The following SRFBP1 variants were observed in gnomAD, a reference collection of about 807,000 sequenced individuals.
The protein encoded by SRFBP1 is serum response factor-binding protein 1.
Under a neutral mutation model 45.5 loss-of-function variants are expected in SRFBP1, and 47 were observed. The observed-to-expected ratio is 1.03, with a 90% CI of 0.82 to 1.32. SRFBP1 has a LOEUF of 1.32. Among genes scored for constraint, SRFBP1 ranks in the 40% most tolerant of loss-of-function variants. The pLI is 0.00. For missense variants in SRFBP1, 621 were observed against 484.6 expected, an observed-to-expected ratio of 1.28 and a Z score of -2.64; for synonymous variants, 203 against 166.3, an observed-to-expected ratio of 1.22 and a Z score of -1.70.
chr5:121,987,087 G>A (rs904775960), intron 3 of SRFBP1, among the ~76,000 whole-genome samples: 3 of 152,034 alleles, frequency 2.0e-5, no homozygotes, highest in South Asian at 2.1e-4. Flanking sequence ...ACTCATCCTC[G>A]AGTCTGGAAA....
At chr5:122,021,917 A>T (rs113611520) in intron 6 of SRFBP1, among the ~76,000 whole-genome samples, 4,160 of 151,206 alleles carry the variant, frequency 0.028, 205 homozygotes, top group African/African-American at 0.095. Context: ...GTTAGTGTCG[A>T]ACTCCTGACC....
At chr5:122,070,654 C>CA in intron 2 of SRFBP1, 4 of 786,638 alleles carry the variant, frequency 5.1e-6, no homozygotes, top group African/African-American at 1.7e-5. Context: ...AAATAATATG[C>CA]TATTATTTGC....
chr5:122,072,023 T>C (rs929696014), intron 2 of SRFBP1, among the ~76,000 whole-genome samples: 11 of 152,196 alleles, frequency 7.2e-5, no homozygotes, highest in African/African-American at 2.7e-4. Context: ...AAATGAAGAA[T>C]TTTTGGTCTG....
chr5:122,017,892 A>G (rs963349259), intron 4 of SRFBP1, among the ~76,000 whole-genome samples: 2 of 152,202 alleles, frequency 1.3e-5, no homozygotes, highest in Non-Finnish European at 2.9e-5. Flanking sequence ...GCTTTATTAA[A>G]TGTGTATTGG....
intron 2 of SRFBP1, among the ~76,000 whole-genome samples, chr5:122,049,063 C>G (rs1025986414): frequency 1.3e-5 from 2 of 152,068 alleles, no homozygotes; most frequent in East Asian, 1.9e-4. Context: ...CTGCTCTGAT[C>G]TTAGTTATTT....
chr5:121,963,696 C>G (rs1751998919), intron 1 of SRFBP1, among the ~76,000 whole-genome samples: 1 of 152,114 alleles, frequency 6.6e-6, no homozygotes, highest in Non-Finnish European at 1.5e-5. Flanking sequence ...GTTTATGTGT[C>G]TATCATGTGT....
At chr5:122,022,445 A>G in intron 7 of SRFBP1, 38 bp downstream of exon 7, 1 of 1,573,740 alleles carries the variant, frequency 6.4e-7, no homozygotes, top group Non-Finnish European at 8.7e-7. Flanking sequence ...ATATGCAATT[A>G]AGCTATGTTT....
intron 1 of SRFBP1, among the ~76,000 whole-genome samples, chr5:121,969,178 G>A (rs1752138155): frequency 6.6e-6 from 1 of 152,144 alleles, no homozygotes; most frequent in Non-Finnish European, 1.5e-5. Context: ...ATGTATAAGA[G>A]ATTGTGTGAA....
intron 4 of SRFBP1, among the ~76,000 whole-genome samples, chr5:122,012,350 A>C (rs1411048026): frequency 6.6e-6 from 1 of 152,162 alleles, no homozygotes; most frequent in Non-Finnish European, 1.5e-5. Context: ...AAAAATCCTT[A>C]AATAATTGCT....
At chr5:122,051,206 C>T (rs908497735) in intron 2 of SRFBP1, among the ~76,000 whole-genome samples, 2 of 152,042 alleles carry the variant, frequency 1.3e-5, no homozygotes, top group African/African-American at 4.8e-5. Context: ...GAAGAATGTG[C>T]CATGTGGCAA....
At chr5:121,979,687 A>T (rs1264730764) in intron 3 of SRFBP1, among the ~76,000 whole-genome samples, 1 of 152,170 alleles carries the variant, frequency 6.6e-6, no homozygotes, top group African/African-American at 2.4e-5. Context: ...AGGGGACAGG[A>T]GAAGCAAGGA....
At chr5:122,004,193 A>G (rs747949483) in intron 4 of SRFBP1, among the ~76,000 whole-genome samples, 2 of 152,128 alleles carry the variant, frequency 1.3e-5, no homozygotes, top group Admixed American at 1.3e-4. Flanking sequence ...TAAGATTGAT[A>G]TTAGACTCTT....
chr5:121,998,545 T>G (rs183815487), intron 4 of SRFBP1, among the ~76,000 whole-genome samples: 4,292 of 140,074 alleles, frequency 0.031, 219 homozygotes, highest in African/African-American at 0.097. Flanking sequence ...GGGATAGCAT[T>G]GGGAGATATA....
intron 2 of SRFBP1, among the ~76,000 whole-genome samples, chr5:122,071,051 T>C (rs144833445): frequency 2.6e-4 from 38 of 148,542 alleles, no homozygotes; most frequent in Non-Finnish European, 5.1e-4. Context: ...GTTTATCCCT[T>C]TTTGCTCTGC....
At chr5:121,966,088 T>A (rs1280236812) in intron 1 of SRFBP1, among the ~76,000 whole-genome samples, 2 of 152,176 alleles carry the variant, frequency 1.3e-5, no homozygotes. Context: ...GATTTGGGGC[T>A]GAAACAATGG....
chr5:122,017,709 A>G (rs1753218559), intron 4 of SRFBP1, among the ~76,000 whole-genome samples: 2 of 152,138 alleles, frequency 1.3e-5, no homozygotes, highest in Admixed American at 1.3e-4. Flanking sequence ...AATCCTACAA[A>G]CAGAATAGCT....
intron 2 of SRFBP1, among the ~76,000 whole-genome samples, chr5:122,046,198 C>A (rs1022532652): frequency 1.3e-5 from 2 of 152,012 alleles, no homozygotes; most frequent in Non-Finnish European, 2.9e-5. Context: ...CCCTCCACCC[C>A]CCCTCACCCC....
At position 121,963,685 on chromosome 5, in the gene SRFBP1, T is replaced by C. The variant is rs74814734; in HGVS notation, c.36+1617T>C. Among the ~76,000 whole-genome samples, 140 of 152,290 alleles carry C rather than the reference T, an allele frequency of 9.2e-4. 1 individual carries two copies. The highest frequency in any genetic ancestry group is 1.4e-3 in the Non-Finnish European group (97 of 68,010). ...TTATGTAACTGTTTCTGTCTTCCTG[T>C]GTTTATGTGTCTATCATGTGTAGCA... On this transcript the variant is annotated intron_variant, in intron 1 of 7. Coordinates refer to ENST00000339397, the MANE Select transcript of SRFBP1 (RefSeq NM_152546.3).
downstream of SRFBP1, among the ~76,000 whole-genome samples, chr5:122,078,853 T>C (rs992991538): frequency 2.0e-5 from 3 of 152,366 alleles, no homozygotes; most frequent in African/African-American, 7.2e-5. Flanking sequence ...ACAGTGAATA[T>C]TTTAATAACC....
Sources: gnomAD v4.1 joint callset for allele counts (sites outside exome capture counted in the v4.1 genomes callset) on GRCh38, gnomAD v4.1.1 for gene constraint, MANE v1.5 for transcripts, NCBI Gene and HGNC (gene_info 2026-07-23, HGNC 2026-07-21) for gene names.